The following AKT3 variants were observed in gnomAD, a reference collection of about 807,000 sequenced individuals.
AKT3 encodes RAC-gamma serine/threonine-protein kinase.
Under a neutral mutation model 65.3 loss-of-function variants are expected in AKT3, and 15 were observed. That is an observed-to-expected ratio of 0.23 (90% CI 0.15 to 0.35). The LOEUF (loss-of-function observed/expected upper bound fraction) is 0.35. AKT3 is among the 10% of genes least tolerant of loss of function. AKT3 has a pLI of 1.00. For missense variants in AKT3, 243 were observed against 576.5 expected (o/e 0.42, Z 5.92); for synonymous variants, 206 against 183.8 (o/e 1.12, Z -0.98).
rs1282978924 is a variant in AKT3, at chr1:243,501,096, A to G, written c.*4153T>C. ...ATGCCCTCAAATTTGGCCGTGTGAC[A>G]TACACATACATGCTTGACTCACTCT... On this transcript the variant is annotated 3_prime_UTR_variant, in exon 14 of 14. Coordinates refer to ENST00000673466, the MANE Select transcript of AKT3 (RefSeq NM_005465.7). 14 of 231,320 alleles carry G rather than the reference A, an allele frequency of 6.1e-5. No individual in the cohort carries two copies. Among genetic ancestry groups the G allele is most frequent in the Non-Finnish European group, 1.1e-4 (13 of 116,932 alleles). The allele number at this position is 231,320 out of a possible 1,614,324, so 14.3% of individuals were successfully genotyped here.
chr1:243,630,387 A>G (rs971184030), intron 6 of AKT3, among the ~76,000 whole-genome samples: 3 of 152,216 alleles, frequency 2.0e-5, no homozygotes, highest in African/African-American at 7.2e-5. Context: ...TGGACCTCTC[A>G]CACTAGAAAA....
chr1:243,506,480 T>C (rs1669674425), intron 13 of AKT3, among the ~76,000 whole-genome samples: 1 of 152,248 alleles, frequency 6.6e-6, no homozygotes, highest in Admixed American at 6.5e-5. Flanking sequence ...CAGATCCCAC[T>C]GCACTGAGGC....
At chr1:243,630,035 A>C (rs1558666403) in intron 6 of AKT3, among the ~76,000 whole-genome samples, 1 of 152,194 alleles carries the variant, frequency 6.6e-6, no homozygotes, top group East Asian at 1.9e-4. Context: ...ATCCCCAGGA[A>C]GCTATAAATG....
At chr1:243,808,835 G>A (rs143117779) in intron 2 of AKT3, among the ~76,000 whole-genome samples, 3,909 of 152,222 alleles carry the variant, frequency 0.026, 162 homozygotes, top group African/African-American at 0.089. Flanking sequence ...CTGATCTCTC[G>A]GCAGAAACTC....
At chr1:243,771,956 C>T (rs921626354) in intron 2 of AKT3, among the ~76,000 whole-genome samples, 48 of 152,140 alleles carry the variant, frequency 3.2e-4, no homozygotes, top group African/African-American at 9.7e-4. Flanking sequence ...CCCTATTTAA[C>T]AAATGGTGCT....
At chr1:243,533,657 T>TAC (rs200914007) in intron 12 of AKT3, among the ~76,000 whole-genome samples, 10 of 152,126 alleles carry the variant, frequency 6.6e-5, no homozygotes, top group Middle Eastern at 6.8e-3. Context: ...AAAAATGGGA[T>TAC]ACACACACAC....
intron 6 of AKT3, among the ~76,000 whole-genome samples, chr1:243,616,208 C>T (rs1413771747): frequency 1.3e-5 from 2 of 150,050 alleles, no homozygotes; most frequent in African/African-American, 4.9e-5. Flanking sequence ...ACCCTGCTTC[C>T]ATCCTTTCCC....
At chr1:243,701,807 A>G (rs1229289809) in intron 2 of AKT3, among the ~76,000 whole-genome samples, 1 of 152,192 alleles carries the variant, frequency 6.6e-6, no homozygotes, top group South Asian at 2.1e-4. Context: ...TAATCACTGC[A>G]TAAGGAAGAC....
chr1:243,599,306 GACT>G (rs1676845871), intron 8 of AKT3, among the ~76,000 whole-genome samples: 2 of 152,040 alleles, frequency 1.3e-5, no homozygotes, highest in African/African-American at 2.4e-5. Context: ...CACTTAAAAT[GACT>G]ACTTTATGAA....
chr1:243,529,706 T>A (rs1671395669), intron 12 of AKT3, among the ~76,000 whole-genome samples: 1 of 152,226 alleles, frequency 6.6e-6, no homozygotes, highest in Admixed American at 6.5e-5. Flanking sequence ...TGCAGTATAG[T>A]TCAAAGTTGC....
chr1:243,733,398 A>C (rs1157078968), intron 2 of AKT3, among the ~76,000 whole-genome samples: 1 of 152,240 alleles, frequency 6.6e-6, no homozygotes, highest in Non-Finnish European at 1.5e-5. Context: ...AAGAATAAAT[A>C]AAAAGTAGTG....
chr1:243,522,258 C>A (rs1467155987), intron 12 of AKT3, among the ~76,000 whole-genome samples: 1 of 152,162 alleles, frequency 6.6e-6, no homozygotes, highest in African/African-American at 2.4e-5. Context: ...CACTATTTCT[C>A]TTAGAAATAT....
At chr1:243,806,683 G>A (rs540465351) in intron 2 of AKT3, among the ~76,000 whole-genome samples, 29 of 152,166 alleles carry the variant, frequency 1.9e-4, no homozygotes, top group Admixed American at 9.8e-4. Flanking sequence ...GCTATTTGAT[G>A]TGTCTCATTG....
At chr1:243,806,127 C>G (rs140025395) in intron 2 of AKT3, among the ~76,000 whole-genome samples, 6 of 152,162 alleles carry the variant, frequency 3.9e-5, no homozygotes, top group African/African-American at 1.4e-4. Context: ...CTCTGTGAAG[C>G]CTTTCCTGCC....
At chr1:243,508,655 CTTTTTTTTTT>C (rs369887012) in intron 13 of AKT3, among the ~76,000 whole-genome samples, 26 of 108,302 alleles carry the variant, frequency 2.4e-4, no homozygotes, top group Non-Finnish European at 2.3e-4. Context: ...AAAAGCCAGA[CTTTTTTTTTT>C]TTTTTTTTTT....
chr1:243,555,829 A>G (rs968063331), intron 10 of AKT3, among the ~76,000 whole-genome samples: 1 of 152,206 alleles, frequency 6.6e-6, no homozygotes, highest in Non-Finnish European at 1.5e-5. Context: ...TCTTGAAGAA[A>G]TAACTTCTGT....
chr1:243,577,414 T>A (rs1675020898), intron 8 of AKT3, among the ~76,000 whole-genome samples: 1 of 152,162 alleles, frequency 6.6e-6, no homozygotes, highest in Non-Finnish European at 1.5e-5. Flanking sequence ...CTCAAAGCGC[T>A]GGGATTACAG....
At chr1:243,526,811 A>AAAAAAAAAT (rs1671133242) in intron 12 of AKT3, among the ~76,000 whole-genome samples, 1 of 133,958 alleles carries the variant, frequency 7.5e-6, no homozygotes, top group East Asian at 2.3e-4. Context: ...AAAAAAAAAA[A>AAAAAAAAAT]AAAATTTAGA....
At chr1:243,835,868 CAAT>C (rs1207385786) in intron 2 of AKT3, among the ~76,000 whole-genome samples, 3 of 151,900 alleles carry the variant, frequency 2.0e-5, no homozygotes, top group South Asian at 4.1e-4. Context: ...ACCACACCAA[CAAT>C]AACATTAACT....
Sources: allele counts gnomAD v4.1 joint callset (sites outside exome capture counted in the v4.1 genomes callset), GRCh38; gene constraint gnomAD v4.1.1; transcripts MANE v1.5; gene names NCBI Gene and HGNC (gene_info 2026-07-23, HGNC 2026-07-21).